The following SPON1 variants were observed in gnomAD, a reference collection of about 807,000 sequenced individuals.
SPON1 encodes the protein spondin-1.
Under a neutral mutation model 111.7 loss-of-function variants are expected in SPON1, and 52 were observed. The observed-to-expected ratio is 0.47, with a 90% CI of 0.37 to 0.59. The LOEUF is 0.59. Ranked by LOEUF, SPON1 falls within the 20% of genes least tolerant of loss-of-function variation. The probability of loss-of-function intolerance (pLI) is 0.00; values close to 1 mark genes in which losing one functional copy is unlikely to be tolerated. For synonymous variants in SPON1, 410 were observed against 395.8 expected (o/e 1.04, Z -0.43); for missense variants, 957 against 1,068.5 (o/e 0.90, Z 1.46).
intron 5 of SPON1, among the ~76,000 whole-genome samples, chr11:14,127,182 C>A (rs1353128182): frequency 3.3e-5 from 5 of 151,866 alleles, no homozygotes; most frequent in Non-Finnish European, 7.4e-5. Flanking sequence ...CACTAGGAGG[C>A]TGATCATATT....
chr11:14,152,025 T>C (rs1447033673), intron 6 of SPON1, among the ~76,000 whole-genome samples: 1 of 152,170 alleles, frequency 6.6e-6, no homozygotes, highest in Non-Finnish European at 1.5e-5. Flanking sequence ...TTCCAGACCA[T>C]ATTGTAACCC....
intron 5 of SPON1, among the ~76,000 whole-genome samples, chr11:14,086,142 T>C (rs983125165): frequency 1.2e-4 from 19 of 152,204 alleles, no homozygotes; most frequent in Non-Finnish European, 2.9e-5. Flanking sequence ...TTTATTTCTT[T>C]CTCTTGCCTG....
chr11:14,074,530 G>A (rs1441803699), intron 3 of SPON1, among the ~76,000 whole-genome samples: 2 of 152,214 alleles, frequency 1.3e-5, no homozygotes, highest in Non-Finnish European at 2.9e-5. Flanking sequence ...TAGCATTGCT[G>A]AAGAAAATCA....
intron 3 of SPON1, among the ~76,000 whole-genome samples, chr11:14,057,648 T>A (rs1310547869): frequency 2.0e-5 from 3 of 151,794 alleles, no homozygotes; most frequent in African/African-American, 7.3e-5. Context: ...GGTAAATAAG[T>A]TTTTTATACC....
intron 6 of SPON1, among the ~76,000 whole-genome samples, chr11:14,169,440 C>G (rs1337506723): frequency 3.3e-5 from 5 of 151,786 alleles, no homozygotes; most frequent in Non-Finnish European, 7.4e-5. Flanking sequence ...TTCTCCCATT[C>G]TGTAGGTTGC....
chr11:14,209,375 T>C (rs1397102623), intron 6 of SPON1, among the ~76,000 whole-genome samples: 1 of 150,608 alleles, frequency 6.6e-6, no homozygotes, highest in African/African-American at 2.4e-5. Flanking sequence ...ACCCATCATC[T>C]ACATTAGGTA....
At chr11:14,160,587 A>ATATATATT (rs1847912561) in intron 6 of SPON1, among the ~76,000 whole-genome samples, 1 of 12,612 alleles carries the variant, frequency 7.9e-5, no homozygotes, top group Non-Finnish European at 1.5e-4. Flanking sequence ...ATATATTTAC[A>ATATATATT]TATATATATT....
At chr11:14,075,255 C>A in intron 3 of SPON1, 90 bp from the exon 4 acceptor site, 1 of 998,956 alleles carries the variant, frequency 1.0e-6, no homozygotes, top group Non-Finnish European at 1.5e-6. Flanking sequence ...CTCAAAGCCA[C>A]AAAGCCAAGC....
At chr11:13,994,612 G>A (rs781987288) in intron 2 of SPON1, among the ~76,000 whole-genome samples, 1 of 152,208 alleles carries the variant, frequency 6.6e-6, no homozygotes, top group Non-Finnish European at 1.5e-5. Flanking sequence ...AAAGCTAATG[G>A]AGGAAGAGAG....
intron 2 of SPON1, among the ~76,000 whole-genome samples, chr11:14,003,478 G>A (rs1266576824): frequency 6.6e-6 from 1 of 152,030 alleles, no homozygotes; most frequent in African/African-American, 2.4e-5. Context: ...AGTGTTTTAG[G>A]CAACAATCTA....
chr11:14,066,990 T>C (rs1272368741), intron 3 of SPON1, among the ~76,000 whole-genome samples: 1 of 151,966 alleles, frequency 6.6e-6, no homozygotes, highest in African/African-American at 2.4e-5. Context: ...CTGGACAGCA[T>C]AGCAAGACCC....
chr11:14,216,042 G>A (rs1246568653), intron 6 of SPON1, among the ~76,000 whole-genome samples: 1 of 152,150 alleles, frequency 6.6e-6, no homozygotes, highest in Non-Finnish European at 1.5e-5. Context: ...AGGGAAAATG[G>A]GTATTGAGGA....
intron 3 of SPON1, among the ~76,000 whole-genome samples, chr11:14,049,212 G>A (rs1368136407): frequency 3.9e-5 from 6 of 152,140 alleles, no homozygotes; most frequent in African/African-American, 1.4e-4. Flanking sequence ...ATGCCACAGG[G>A]TCAGGTTGAA....
chr11:14,121,883 G>C (rs1847392275), intron 5 of SPON1, among the ~76,000 whole-genome samples: 3 of 148,544 alleles, frequency 2.0e-5, no homozygotes, highest in Admixed American at 1.4e-4. Flanking sequence ...AGAATTCTAG[G>C]CTGACAGTTT....
At chr11:14,035,096 C>G (rs1321648171) in intron 2 of SPON1, among the ~76,000 whole-genome samples, 1 of 152,160 alleles carries the variant, frequency 6.6e-6, no homozygotes, top group African/African-American at 2.4e-5. Context: ...TCACTTTTAC[C>G]AAGTACTTAT....
At chr11:14,161,596 G>C (rs1554931349) in intron 6 of SPON1, among the ~76,000 whole-genome samples, 1 of 151,632 alleles carries the variant, frequency 6.6e-6, no homozygotes, top group Non-Finnish European at 1.5e-5. Flanking sequence ...CGGGATTACA[G>C]GCATGAGCCA....
chr11:14,141,023 C>CCA (rs1847648648), intron 6 of SPON1, among the ~76,000 whole-genome samples: 1 of 122,728 alleles, frequency 8.1e-6, no homozygotes, highest in African/African-American at 2.8e-5. Context: ...GCAGGCGTGC[C>CCA]CCCCCCATGC....
At chr11:14,080,070 G>C (rs372835751) in intron 5 of SPON1, 49 bp downstream of exon 5, 248 of 1,611,134 alleles carry the variant, frequency 1.5e-4, no homozygotes, top group Non-Finnish European at 2.0e-4. Flanking sequence ...CATTGTCAAA[G>C]TTCTGTCTGG....
chr11:14,190,471 C>T (rs1185948551), intron 6 of SPON1, among the ~76,000 whole-genome samples: 1 of 151,448 alleles, frequency 6.6e-6, no homozygotes, highest in Non-Finnish European at 1.5e-5. Context: ...CTTCTTTCCT[C>T]CTTCTTCCTT....
Sources: allele counts gnomAD v4.1 joint callset (sites outside exome capture counted in the v4.1 genomes callset), GRCh38; gene constraint gnomAD v4.1.1; transcripts MANE v1.5; gene names NCBI Gene and HGNC (gene_info 2026-07-23, HGNC 2026-07-21).